The following GPC6 variants were observed in gnomAD, a reference collection of about 807,000 sequenced individuals.
GPC6 encodes glypican-6.
A neutral mutation model predicts 55.2 loss-of-function variants in GPC6; 14 were observed. The observed-to-expected ratio is 0.25, with a 90% CI of 0.17 to 0.40. The LOEUF (loss-of-function observed/expected upper bound fraction) is 0.40. GPC6 is among the 10% of genes least tolerant of loss of function. GPC6 has a pLI of 1.00. For synonymous variants in GPC6, 278 were observed against 259.6 expected (o/e 1.07, Z -0.68); for missense variants, 641 against 708.5 (o/e 0.90, Z 1.08).
chr13:94,102,391 C>T (rs561798579), intron 4 of GPC6, among the ~76,000 whole-genome samples: 265 of 152,198 alleles, frequency 1.7e-3, no homozygotes, highest in Non-Finnish European at 3.2e-3. Flanking sequence ...CCTTATGTGG[C>T]TCTCCAGGGG....
intron 6 of GPC6, among the ~76,000 whole-genome samples, chr13:94,340,161 G>A (rs1042687075): frequency 1.9e-4 from 29 of 152,090 alleles, no homozygotes; most frequent in Non-Finnish European, 4.0e-4. Flanking sequence ...AAAAGGTAAA[G>A]AATGGTTAAA....
At chr13:93,567,310 G>A (rs1876178257) in intron 2 of GPC6, among the ~76,000 whole-genome samples, 1 of 152,176 alleles carries the variant, frequency 6.6e-6, no homozygotes, top group African/African-American at 2.4e-5. Context: ...TAGCAGAGCT[G>A]ATGGACTCTA....
At chr13:93,669,410 A>G (rs1053311580) in intron 2 of GPC6, among the ~76,000 whole-genome samples, 2 of 152,296 alleles carry the variant, frequency 1.3e-5, no homozygotes, top group Admixed American at 6.5e-5. Context: ...AGTTCACTAC[A>G]TGTGCAGTGT....
chr13:93,298,615 CTT>C (rs11327936), intron 1 of GPC6, among the ~76,000 whole-genome samples: 8 of 145,780 alleles, frequency 5.5e-5, no homozygotes, highest in East Asian at 4.0e-4. Flanking sequence ...TTTCTTTTTT[CTT>C]TTTTTTTTTT....
chr13:93,274,081 C>G (rs1039298704), intron 1 of GPC6, among the ~76,000 whole-genome samples: 2 of 152,010 alleles, frequency 1.3e-5, no homozygotes, highest in Non-Finnish European at 2.9e-5. Flanking sequence ...GGCGTGAGCC[C>G]CTGCACCTGG....
At chr13:93,398,347 A>T (rs188885362) in intron 1 of GPC6, among the ~76,000 whole-genome samples, 69 of 152,278 alleles carry the variant, frequency 4.5e-4, no homozygotes, top group Non-Finnish European at 8.4e-4. Flanking sequence ...TGGGGAGGCA[A>T]GTCTGCTCAG....
intron 2 of GPC6, among the ~76,000 whole-genome samples, chr13:93,710,795 A>C (rs1387077547): frequency 2.6e-5 from 4 of 151,634 alleles, no homozygotes; most frequent in Admixed American, 2.6e-4. Context: ...ATAGCCTCTA[A>C]TGTTGAAAAT....
chr13:93,387,859 T>A (rs1222804223), intron 1 of GPC6, among the ~76,000 whole-genome samples: 1 of 152,206 alleles, frequency 6.6e-6, no homozygotes, highest in African/African-American at 2.4e-5. Context: ...AGGTTCTAGC[T>A]TGAAGAATGT....
chr13:93,669,270 A>G (rs1450998142), intron 2 of GPC6, among the ~76,000 whole-genome samples: 1 of 152,176 alleles, frequency 6.6e-6, no homozygotes, highest in Non-Finnish European at 1.5e-5. Context: ...ACCATAGATT[A>G]TGATGTAAAT....
chr13:94,003,848 A>G (rs1184923827), intron 3 of GPC6, among the ~76,000 whole-genome samples: 1 of 152,188 alleles, frequency 6.6e-6, no homozygotes, highest in African/African-American at 2.4e-5. Flanking sequence ...TTTCTCTGGC[A>G]GTCTCACTTT....
intron 2 of GPC6, among the ~76,000 whole-genome samples, chr13:93,724,808 G>T (rs573898544): frequency 6.6e-6 from 1 of 152,036 alleles, no homozygotes; most frequent in Admixed American, 6.6e-5. Flanking sequence ...ATTCATTGAT[G>T]CACAATTTAT....
chr13:93,868,602 C>G (rs904983762), intron 3 of GPC6, among the ~76,000 whole-genome samples: 4 of 151,664 alleles, frequency 2.6e-5, no homozygotes, highest in Non-Finnish European at 2.9e-5. Context: ...GTAAAGGTCT[C>G]TCTTTCCCTC....
At chr13:93,979,674 A>G (rs1880701371) in intron 3 of GPC6, among the ~76,000 whole-genome samples, 1 of 152,124 alleles carries the variant, frequency 6.6e-6, no homozygotes, top group African/African-American at 2.4e-5. Context: ...CACTTTGAAT[A>G]TTATTAAACC....
chr13:93,804,488 A>G (rs982579872), intron 2 of GPC6, among the ~76,000 whole-genome samples: 1 of 152,200 alleles, frequency 6.6e-6, no homozygotes, highest in African/African-American at 2.4e-5. Flanking sequence ...CCAAATCTCA[A>G]GCCACCTCCA....
At chr13:93,353,285 C>T (rs1305316860) in intron 1 of GPC6, among the ~76,000 whole-genome samples, 1 of 152,128 alleles carries the variant, frequency 6.6e-6, no homozygotes, top group African/African-American at 2.4e-5. Flanking sequence ...ATGCCTTCAC[C>T]TGGAGGAGTA....
chr13:93,724,841 G>T (rs542797324), intron 2 of GPC6, among the ~76,000 whole-genome samples: 1 of 152,060 alleles, frequency 6.6e-6, no homozygotes, highest in Non-Finnish European at 1.5e-5. Flanking sequence ...GCAGTATGAT[G>T]AAAATCCATC....
chr13:94,317,943 G>A (rs974453495), intron 6 of GPC6, among the ~76,000 whole-genome samples: 1 of 152,100 alleles, frequency 6.6e-6, no homozygotes, highest in Non-Finnish European at 1.5e-5. Flanking sequence ...GGACAACTCA[G>A]AGATTGTTAC....
At chr13:94,374,317 C>T (rs1460620667) in intron 6 of GPC6, among the ~76,000 whole-genome samples, 1 of 151,340 alleles carries the variant, frequency 6.6e-6, no homozygotes, top group Non-Finnish European at 1.5e-5. Context: ...ATTCAGGAAA[C>T]CCATCTCACG....
At chr13:93,965,010 G>A (rs1265790144) in intron 3 of GPC6, among the ~76,000 whole-genome samples, 2 of 148,404 alleles carry the variant, frequency 1.3e-5, no homozygotes, top group Admixed American at 1.4e-4. Flanking sequence ...CATTTAAAAA[G>A]ATAGTTTTCA....
Sources: allele counts gnomAD v4.1 joint callset (sites outside exome capture counted in the v4.1 genomes callset), GRCh38; gene constraint gnomAD v4.1.1; transcripts MANE v1.5; gene names NCBI Gene and HGNC (gene_info 2026-07-23, HGNC 2026-07-21).